The following CALN1 variants were observed in gnomAD, a reference collection of about 807,000 sequenced individuals.
The protein encoded by CALN1 is calneuron 1, also known as calcium-binding protein 8.
Under a neutral mutation model 30.6 loss-of-function variants are expected in CALN1, and 17 were observed. The ratio of observed to expected loss-of-function variants is 0.56; its 90% CI spans 0.38 to 0.83. The LOEUF (loss-of-function observed/expected upper bound fraction) is 0.83. Ranked by LOEUF, CALN1 falls within the 40% of genes least tolerant of loss-of-function variation. CALN1 has a pLI of 0.00. For missense variants in CALN1, 291 were observed against 354.9 expected (o/e 0.82, Z 1.45); for synonymous variants, 156 against 131.4 (o/e 1.19, Z -1.28).
intron 2 of CALN1, among the ~76,000 whole-genome samples, chr7:72,319,841 A>G (rs1474636540): frequency 6.6e-6 from 1 of 152,086 alleles, no homozygotes; most frequent in Non-Finnish European, 1.5e-5. Flanking sequence ...TAGACAATGG[A>G]GACTCAGAAA....
chr7:72,278,007 CCGGG>C (rs1200969032), intron 3 of CALN1, among the ~76,000 whole-genome samples: 1 of 29,872 alleles, frequency 3.3e-5, no homozygotes, highest in Non-Finnish European at 6.4e-5. Flanking sequence ...ATCCTCTATT[CCGGG>C]GGGGGGGGAC....
intron 5 of CALN1, among the ~76,000 whole-genome samples, chr7:71,952,161 T>C (rs1409985789): frequency 1.3e-5 from 2 of 152,156 alleles, no homozygotes; most frequent in Non-Finnish European, 1.5e-5. Flanking sequence ...ATCAAATCAC[T>C]GATCTGTTGA....
chr7:72,485,587 T>C, the CALN1 span, among the ~76,000 whole-genome samples: 1 of 152,176 alleles, frequency 6.6e-6, no homozygotes, highest in Admixed American at 6.5e-5. Flanking sequence ...GAAAGTTAAA[T>C]GTGGCTGGGC....
the CALN1 span, among the ~76,000 whole-genome samples, chr7:72,491,205 C>A: frequency 2.0e-5 from 3 of 146,376 alleles, no homozygotes; most frequent in East Asian, 4.1e-4. Context: ...CCAGCCTGGG[C>A]AACAGAGCGA....
intron 2 of CALN1, among the ~76,000 whole-genome samples, chr7:72,376,414 CTA>C (rs1241288017): frequency 6.6e-6 from 1 of 152,172 alleles, no homozygotes; most frequent in Non-Finnish European, 1.5e-5. Context: ...TATCACCAAC[CTA>C]GTGGGTTTTG....
At chr7:72,192,410 T>C (rs951049881) in intron 3 of CALN1, among the ~76,000 whole-genome samples, 16 of 152,130 alleles carry the variant, frequency 1.1e-4, no homozygotes, top group Non-Finnish European at 1.8e-4. Context: ...TGGGAATCTG[T>C]GGATGGGGCG....
At chr7:72,231,586 G>T (rs1200608848) in intron 3 of CALN1, among the ~76,000 whole-genome samples, 1 of 152,142 alleles carries the variant, frequency 6.6e-6, no homozygotes, top group Non-Finnish European at 1.5e-5. Context: ...GTGCTGCAAT[G>T]AACATACATG....
At chr7:72,289,631 T>A (rs966408229) in intron 2 of CALN1, among the ~76,000 whole-genome samples, 4 of 152,142 alleles carry the variant, frequency 2.6e-5, no homozygotes, top group Non-Finnish European at 5.9e-5. Flanking sequence ...TATACCAGCA[T>A]ACCACCATGA....
At chr7:72,097,491 C>A (rs1172040506) in intron 4 of CALN1, among the ~76,000 whole-genome samples, 2 of 152,048 alleles carry the variant, frequency 1.3e-5, no homozygotes, top group African/African-American at 2.4e-5. Flanking sequence ...CTTCAAGAAG[C>A]CATTCTTCTC....
rs368854324 is a variant in CALN1, at chr7:72,137,913, A to T, written c.245-31619T>A. Among the ~76,000 whole-genome samples, 66 of 152,318 alleles carry T rather than the reference A, an allele frequency of 4.3e-4. 2 individuals carry two copies. In the South Asian group the frequency reaches 0.013, roughly 31 times the overall value. On this transcript the variant is annotated intron_variant, in intron 3 of 6. Transcript: ENST00000395275. ...TGAGAGAGAGAGAGAATGATACGGA[A>T]ATGTGCTCCAATGTCTACAATCAGG...
chr7:71,915,445 C>CGTTAA lies in CALN1; in HGVS notation c.502-104954_502-104953insTTAAC, dbSNP rs1210733060. ...GTCAAGCAACTATGTATTAAAATAC[C>CGTTAA]AATCTGGGCCAGGCACAGTGGCTCA... is the stretch of plus-strand genomic sequence containing the variant. On this transcript the variant is annotated intron_variant, in intron 5 of 6. Coordinates refer to ENST00000395275, the MANE Select transcript of CALN1 (RefSeq NM_031468.4). Among the ~76,000 whole-genome samples, 7 of 152,216 alleles carry CGTTAA rather than the reference C, an allele frequency of 4.6e-5. No homozygotes were observed. In the South Asian group the frequency reaches 1.5e-3, roughly 32 times the overall value.
At chr7:72,059,707 G>T (rs1466643532) in intron 4 of CALN1, among the ~76,000 whole-genome samples, 1 of 152,108 alleles carries the variant, frequency 6.6e-6, no homozygotes, top group East Asian at 1.9e-4. Flanking sequence ...CATTCACTCA[G>T]TATTTTATAA....
intron 3 of CALN1, among the ~76,000 whole-genome samples, chr7:72,239,753 T>A (rs1399153286): frequency 1.3e-5 from 2 of 152,146 alleles, no homozygotes; most frequent in East Asian, 3.9e-4. Context: ...AGGTAGCTCC[T>A]ACATGTGCCC....
At chr7:72,029,294 G>A (rs567335661) in intron 4 of CALN1, among the ~76,000 whole-genome samples, 1 of 152,096 alleles carries the variant, frequency 6.6e-6, no homozygotes, top group Admixed American at 6.5e-5. Context: ...TGTATTTTTG[G>A]TAGAGATGGG....
intron 5 of CALN1, among the ~76,000 whole-genome samples, chr7:71,995,269 G>A (rs1799195785): frequency 6.6e-6 from 1 of 152,198 alleles, no homozygotes; most frequent in Non-Finnish European, 1.5e-5. Flanking sequence ...CGTGCTGAAC[G>A]CACCTGGCTT....
intron 4 of CALN1, among the ~76,000 whole-genome samples, chr7:72,028,074 A>C (rs910066453): frequency 7.4e-6 from 1 of 135,936 alleles, no homozygotes; most frequent in African/African-American, 3.0e-5. Context: ...AAAAAAAAAA[A>C]AAAAAAAAAA....
At chr7:72,145,794 C>T (rs1171908650) in intron 3 of CALN1, among the ~76,000 whole-genome samples, 3 of 152,176 alleles carry the variant, frequency 2.0e-5, no homozygotes, top group African/African-American at 7.2e-5. Flanking sequence ...GGCTTCATCC[C>T]TGGGATGCAA....
At chr7:72,017,169 T>TC (rs1800440958) in intron 5 of CALN1, among the ~76,000 whole-genome samples, 1 of 46,726 alleles carries the variant, frequency 2.1e-5, no homozygotes, top group African/African-American at 1.4e-4. Context: ...GTCTCAAAAA[T>TC]TAAAAAAAAA....
intron 3 of CALN1, among the ~76,000 whole-genome samples, chr7:72,121,475 T>C (rs1808389798): frequency 1.4e-5 from 2 of 147,460 alleles, no homozygotes; most frequent in African/African-American, 2.5e-5. Flanking sequence ...AATATAGATA[T>C]ATAATTATGT....
Sources: gnomAD v4.1 joint callset for allele counts (sites outside exome capture counted in the v4.1 genomes callset) on GRCh38, gnomAD v4.1.1 for gene constraint, MANE v1.5 for transcripts, NCBI Gene and HGNC (gene_info 2026-07-23, HGNC 2026-07-21) for gene names.